CDK5RAP3: variants seen among roughly 807,000 people sequenced by gnomAD.
CDK5RAP3 encodes CDK5 regulatory subunit-associated protein 3.
In CDK5RAP3, 58 loss-of-function variants were observed where a neutral mutation model predicts 73.3. That is an observed-to-expected ratio of 0.79 (90% confidence interval 0.64 to 0.98). The LOEUF (loss-of-function observed/expected upper bound fraction) is 0.98, where lower values mean the gene tolerates loss of function less well. CDK5RAP3 is among the 50% of genes least tolerant of loss of function. The pLI is 0.00. For missense variants in CDK5RAP3, 525 were observed against 615.8 expected (o/e 0.85, Z 1.56); for synonymous variants, 224 against 247.5 (o/e 0.91, Z 0.89).
At chr17:47,971,883 T>C (rs2036278631) in intron 2 of CDK5RAP3, among the ~76,000 whole-genome samples, 2 of 152,232 alleles carry the variant, frequency 1.3e-5, no homozygotes, top group Admixed American at 6.5e-5. Flanking sequence ...TAATCCCAGC[T>C]ACTCGGGAGG....
chr17:47,971,485 C>A, intron 2 of CDK5RAP3, 78 bp downstream of exon 2: 3 of 1,382,102 alleles, frequency 2.2e-6, no homozygotes, highest in Non-Finnish European at 2.9e-6. Context: ...TAGCCGGGAG[C>A]TCTGACCCCT....
At chr17:47,970,555 A>T, upstream of CDK5RAP3, 1 of 944,510 alleles carries the variant, frequency 1.1e-6, no homozygotes, top group Non-Finnish European at 1.6e-6. Context: ...TCTCTTTGGG[A>T]CGTCTCACCG....
rs757704819 is a variant in CDK5RAP3 at position 47,981,579 on chromosome 17, C to T, written c.*77C>T. 1 of 1,612,832 alleles carries T rather than the reference C, an allele frequency of 6.2e-7. No individual in the cohort carries two copies. Among genetic ancestry groups the T allele is most frequent in the Non-Finnish European group, 8.5e-7 (1 of 1,179,744 alleles). ...ATAGCCAGGGCTGTTGTTTTGGGGC[C>T]CTTCAAGGCAAAAGACCAGGCTGAC... On this transcript the variant is annotated 3_prime_UTR_variant, in exon 14 of 14. Coordinates refer to ENST00000338399, the MANE Select transcript of CDK5RAP3 (RefSeq NM_176096.3).
rs774965828 is a variant in CDK5RAP3, at chr17:47,974,046, AG to A, written c.285+18del. ...AGCGGATGAAGGCAAGTGTGGGCCAAGGGCCGGTAGTATGTGGTTGGGGACA... is the reference window on the plus strand; with the variant it reads ...AGCGGATGAAGGCAAGTGTGGGCCAAGGCCGGTAGTATGTGGTTGGGGACA... On this transcript the variant is annotated intron_variant, in intron 4 of 13. Coordinates refer to ENST00000338399, the MANE Select transcript of CDK5RAP3 (RefSeq NM_176096.3). The A allele has an allele frequency of 1.3e-6, 2 of 1,570,774 alleles. No individual in the cohort carries two copies. The highest frequency in any genetic ancestry group is 2.2e-5 in the South Asian group (2 of 90,232).
At chr17:47,980,487 G>C in intron 11 of CDK5RAP3, 106 bp from the exon 12 acceptor site, 1 of 971,830 alleles carries the variant, frequency 1.0e-6, no homozygotes, top group South Asian at 1.4e-5. Flanking sequence ...GGCTGGTCTT[G>C]AACTCCTGGC....
chr17:47,979,805 C>T (rs1204430991), intron 11 of CDK5RAP3: 3 of 152,218 alleles, frequency 2.0e-5, no homozygotes, highest in African/African-American at 7.2e-5. Context: ...CCAGTTCTCT[C>T]CTCTTTCTGC....
At chr17:47,972,103 A>AC (rs1005379573) in intron 2 of CDK5RAP3, among the ~76,000 whole-genome samples, 15 of 151,534 alleles carry the variant, frequency 9.9e-5, no homozygotes, top group Non-Finnish European at 2.1e-4. Context: ...GAAAAAAAAA[A>AC]AAAACCTCAT....
chr17:47,978,039 G>A, intron 10 of CDK5RAP3, 129 bp downstream of exon 10: 2 of 620,704 alleles, frequency 3.2e-6, no homozygotes, highest in South Asian at 4.0e-5. Context: ...AAACCTTGAT[G>A]AGGATGTGAG....
chr17:47,971,024 G>A, upstream of CDK5RAP3: 1 of 1,519,988 alleles, frequency 6.6e-7, no homozygotes, highest in Non-Finnish European at 8.8e-7. Context: ...CTGTACGGAA[G>A]GCGGCGACGT....
Position 47,975,508 on chromosome 17 carries a change from C to G in CDK5RAP3, c.514-6C>G. On this transcript the variant is annotated splice_region_variant and splice_polypyrimidine_tract_variant and intron_variant, in intron 6 of 13. Transcript: ENST00000338399. ...TGTTGGACTCCACCTCTTCTCCCCTCTCTAGGGCGAAAATGTCCGAGGAGA... is the reference window on the plus strand; with the variant it reads ...TGTTGGACTCCACCTCTTCTCCCCTGTCTAGGGCGAAAATGTCCGAGGAGA... 1 of 1,610,702 alleles carries G rather than the reference C, an allele frequency of 6.2e-7. No homozygotes were observed. Among genetic ancestry groups the G allele is most frequent in the South Asian group, 1.1e-5 (1 of 91,084 alleles).
chr17:47,973,105 A>G (rs1334738943), intron 2 of CDK5RAP3, among the ~76,000 whole-genome samples: 1 of 152,220 alleles, frequency 6.6e-6, no homozygotes, highest in Non-Finnish European at 1.5e-5. Context: ...TACTTGGCAT[A>G]ACCATCTTGT....
chr17:47,975,598 T>C lies in CDK5RAP3; in HGVS notation c.598T>C (p.Ser200Pro). The change falls in exon 7 of 14, where the codon TCC becomes CCC. Residue 200 changes from serine to proline, a missense_variant. Around this residue, in one of 2 missense-constraint regions of CDK5RAP3, gnomAD observed 409 missense variants for 429.8 expected, o/e 0.95. Coordinates refer to ENST00000338399, the MANE Select transcript of CDK5RAP3 (RefSeq NM_176096.3). ...TGAGATTGGGGCAGCGGCTCAGCAG[T>C]CCCTGGGGGAAGCCATTGACGTGTA... ...LAEIGAAAQQ[S>P]LGEAIDVYQA... is the part of the protein sequence containing the mutation. The C allele has an allele frequency of 2.5e-6, 4 of 1,608,864 alleles. No individual in the cohort carries two copies. The highest frequency in any genetic ancestry group is 3.4e-6 in the Non-Finnish European group (4 of 1,179,972).
Position 47,974,755 on chromosome 17 carries a change from C to T in CDK5RAP3, c.334+307C>T, listed in dbSNP as rs1413675724. 1.2e-5 allele frequency: 16 copies of T among 1,292,554 alleles called. No individual in the cohort carries two copies. In the East Asian group the frequency reaches 2.6e-4, roughly 21 times the overall value. The allele number at this position is 1,292,554 out of a possible 1,614,324, so 80.1% of individuals were successfully genotyped here. A position where few individuals can be genotyped will look rare whatever the true frequency, so the allele number is the denominator to read the frequency against. ...AGTGTGCTGCCCCCACCCCCACCCC[C>T]GCACCCCCATTCTACACAAGGCAGA... is the stretch of plus-strand genomic sequence containing the variant. On this transcript the variant is annotated intron_variant, in intron 5 of 13. Coordinates refer to ENST00000338399, the MANE Select transcript of CDK5RAP3 (RefSeq NM_176096.3).
upstream of CDK5RAP3, among the ~76,000 whole-genome samples, chr17:47,969,556 CAAAAAAAAAAAAAAAAAA>C (rs36208323): frequency 1.6e-4 from 13 of 79,856 alleles, no homozygotes; most frequent in South Asian, 6.1e-3. Context: ...GACTCCGTCT[CAAAAAAAAAAAAAAAAAA>C]AAAAAAAAAA....
chr17:47,969,601 C>A (rs1324045325), upstream of CDK5RAP3, among the ~76,000 whole-genome samples: 3 of 148,274 alleles, frequency 2.0e-5, no homozygotes, highest in Non-Finnish European at 4.4e-5. Flanking sequence ...GCATACCCAG[C>A]GCTGTGAGAT....
chr17:47,974,166 T>C, intron 4 of CDK5RAP3, 135 bp downstream of exon 4: 1 of 733,132 alleles, frequency 1.4e-6, no homozygotes, highest in Non-Finnish European at 2.4e-6. Flanking sequence ...TCTGTCTCTA[T>C]AGTTTACTCC....
At chr17:47,972,198 G>A (rs1308128453) in intron 2 of CDK5RAP3, among the ~76,000 whole-genome samples, 1 of 152,130 alleles carries the variant, frequency 6.6e-6, no homozygotes, top group East Asian at 1.9e-4. Context: ...TAGTGTCCAG[G>A]CCATCTCCAG....
rs375883724 is a variant in CDK5RAP3 at position 47,973,581 on chromosome 17, G to T, written c.115G>T (p.Glu39Ter). The change falls in exon 3 of 14, where the codon GAG (glutamate) becomes TAG (stop). Residue 39 changes from glutamate (E) to a stop codon, truncating the protein, a stop_gained. Coordinates refer to ENST00000338399, the MANE Select transcript of CDK5RAP3 (RefSeq NM_176096.3). LOFTEE classifies it high-confidence loss of function. The stretch of plus-strand genomic sequence containing the variant: ...GCAGAGTCTGGTGCTGACGATCCGC[G>T]AGAAGATCAATGCTGCCATCCAGGA... ...KWQSLVLTIR[E>*]KINAAIQDMP... 6.2e-7 allele frequency: 1 copy of T among 1,614,160 alleles called. No individual in the cohort carries two copies.
At chr17:47,974,869 A>G in intron 5 of CDK5RAP3, 1 of 1,325,810 alleles carries the variant, frequency 7.5e-7, no homozygotes. Flanking sequence ...AGTATAAATA[A>G]TAATAATGGC....
Sources: allele counts gnomAD v4.1 joint callset (sites outside exome capture counted in the v4.1 genomes callset), GRCh38; gene constraint gnomAD v4.1.1; regional missense constraint gnomAD v4.1.1; transcripts MANE v1.5; gene names NCBI Gene and HGNC (gene_info 2026-07-23, HGNC 2026-07-21).